The following TMC1 variants were observed in gnomAD, a reference collection of about 807,000 sequenced individuals.
TMC1 encodes the protein transmembrane channel like 1, also known as transmembrane channel-like protein 1.
TMC1 carries 84 observed loss-of-function variants against 105.8 expected under a neutral mutation model. That is an observed-to-expected ratio of 0.79 (90% CI 0.67 to 0.95). The LOEUF is 0.95. Ranked by LOEUF, TMC1 falls within the 40% of genes least tolerant of loss-of-function variation. The pLI is 0.00. For missense variants in TMC1, 817 were observed against 914.1 expected (o/e 0.89, Z 1.37); for synonymous variants, 315 against 311.5 (o/e 1.01, Z -0.12).
At chr9:72,586,060 C>A (rs76763151) in intron 2 of TMC1, among the ~76,000 whole-genome samples, 4 of 152,280 alleles carry the variant, frequency 2.6e-5, no homozygotes, top group Non-Finnish European at 4.4e-5. Context: ...AAACAATTTA[C>A]ACAAGGGCTG....
intron 1 of TMC1, among the ~76,000 whole-genome samples, chr9:72,522,216 C>T (rs1823324686): frequency 1.3e-5 from 2 of 149,918 alleles, no homozygotes; most frequent in Admixed American, 6.7e-5. Context: ...GTGGCGCGAT[C>T]TCGGCTCCCC....
At chr9:72,751,776 A>G (rs1827583417) in intron 10 of TMC1, 74 bp from the exon 11 acceptor site, 2 of 963,332 alleles carry the variant, frequency 2.1e-6, no homozygotes, top group Non-Finnish European at 3.4e-6. Flanking sequence ...TTTTGAAGGC[A>G]ACCAAGACAA....
chr9:72,757,212 G>A (rs1359975891), intron 12 of TMC1, among the ~76,000 whole-genome samples: 1 of 152,162 alleles, frequency 6.6e-6, no homozygotes, highest in Non-Finnish European at 1.5e-5. Context: ...TCATTGCTGG[G>A]GTTAGTAGTG....
At chr9:72,707,689 C>A (rs951335985) in intron 8 of TMC1, among the ~76,000 whole-genome samples, 3 of 151,902 alleles carry the variant, frequency 2.0e-5, no homozygotes, top group African/African-American at 4.8e-5. Flanking sequence ...ATTGTGAAGA[C>A]CTTCTCCCTC....
intron 5 of TMC1, among the ~76,000 whole-genome samples, chr9:72,657,653 G>T (rs1190126702): frequency 6.6e-6 from 1 of 151,952 alleles, no homozygotes; most frequent in Admixed American, 6.6e-5. Flanking sequence ...TAAATCTTGG[G>T]TGTATCCATA....
chr9:72,831,625 C>T (rs1365602405), intron 23 of TMC1, among the ~76,000 whole-genome samples: 2 of 152,062 alleles, frequency 1.3e-5, no homozygotes, highest in Non-Finnish European at 1.5e-5. Context: ...ATGTGATGTT[C>T]CCCTTCCTGT....
At chr9:72,597,442 C>A (rs1263628875) in intron 2 of TMC1, among the ~76,000 whole-genome samples, 1 of 152,200 alleles carries the variant, frequency 6.6e-6, no homozygotes, top group Non-Finnish European at 1.5e-5. Context: ...ACCTGCTGTT[C>A]ACCTTCCATT....
chr9:72,619,571 A>G (rs1825204638), intron 3 of TMC1, among the ~76,000 whole-genome samples: 1 of 152,058 alleles, frequency 6.6e-6, no homozygotes, highest in Non-Finnish European at 1.5e-5. Flanking sequence ...GTTGTATTCT[A>G]GTTTCTCTTT....
chr9:72,823,774 T>G (rs1422137622), intron 20 of TMC1, among the ~76,000 whole-genome samples: 1 of 152,242 alleles, frequency 6.6e-6, no homozygotes, highest in African/African-American at 2.4e-5. Context: ...GGTTTTTATA[T>G]ACATCCCTGC....
chr9:72,743,370 A>C (rs1266863926), intron 10 of TMC1, among the ~76,000 whole-genome samples: 1 of 84,090 alleles, frequency 1.2e-5, no homozygotes, highest in South Asian at 2.5e-4. Flanking sequence ...CCGTCTCACA[A>C]AAAAAAAAAA....
At chr9:72,770,171 T>C (rs1340107371) in intron 12 of TMC1, among the ~76,000 whole-genome samples, 1 of 151,896 alleles carries the variant, frequency 6.6e-6, no homozygotes, top group Non-Finnish European at 1.5e-5. Context: ...TCCCTCTGCT[T>C]GAGGTTTCTA....
chr9:72,730,867 C>G (rs755663359), intron 8 of TMC1, among the ~76,000 whole-genome samples: 3 of 152,154 alleles, frequency 2.0e-5, no homozygotes, highest in Non-Finnish European at 2.9e-5. Context: ...GTGCAGTTCA[C>G]AATAGGGTTT....
intron 12 of TMC1, among the ~76,000 whole-genome samples, chr9:72,759,041 C>CAT (rs1484720472): frequency 6.6e-6 from 1 of 151,982 alleles, no homozygotes; most frequent in African/African-American, 2.4e-5. Context: ...CAAAAGGGGA[C>CAT]ATTGAGGTAA....
At chr9:72,798,958 AT>A (rs1194891952) in intron 17 of TMC1, among the ~76,000 whole-genome samples, 1 of 152,102 alleles carries the variant, frequency 6.6e-6, no homozygotes, top group African/African-American at 2.4e-5. Flanking sequence ...ATTTGTTTTC[AT>A]GATGATTTTG....
intron 5 of TMC1, among the ~76,000 whole-genome samples, chr9:72,678,025 T>A (rs966920534): frequency 6.6e-6 from 1 of 152,146 alleles, no homozygotes; most frequent in Non-Finnish European, 1.5e-5. Context: ...CATTTCAGAC[T>A]CACCATGAAA....
chr9:72,802,766 T>G (rs879347566), intron 17 of TMC1, among the ~76,000 whole-genome samples: 1 of 152,198 alleles, frequency 6.6e-6, no homozygotes, highest in African/African-American at 2.4e-5. Flanking sequence ...TCCATGCTCA[T>G]GGATAGGAAA....
In TMC1 at chr9:72,785,902, T is replaced by C. The variant is rs577950093; in HGVS notation, c.885-2437T>C. Among the ~76,000 whole-genome samples the C allele has an allele frequency of 3.9e-5, 6 of 152,324 alleles. No individual in the cohort carries two copies. The South Asian group carries it at 1.2e-3, about 32-fold the overall frequency. On this transcript the variant is annotated intron_variant, in intron 13 of 23. Coordinates refer to ENST00000297784, the MANE Select transcript of TMC1 (RefSeq NM_138691.3). ...TTGTTTAGTATCGCTATTACAGTAA[T>C]TTTCTTTTTCTTGTGTGGTCTTATC...
intron 18 of TMC1, among the ~76,000 whole-genome samples, chr9:72,812,714 G>A (rs1246666368): frequency 6.6e-6 from 1 of 152,242 alleles, no homozygotes; most frequent in Admixed American, 6.5e-5. Flanking sequence ...AGACTAGCTT[G>A]CAGCTCTAAG....
At chr9:72,773,167 A>G (rs1293001435) in intron 13 of TMC1, among the ~76,000 whole-genome samples, 5 of 152,190 alleles carry the variant, frequency 3.3e-5, no homozygotes, top group South Asian at 2.1e-4. Flanking sequence ...AAAATTATTT[A>G]TAATACTCCA....
Sources: allele counts gnomAD v4.1 joint callset (sites outside exome capture counted in the v4.1 genomes callset), GRCh38; gene constraint gnomAD v4.1.1; transcripts MANE v1.5; gene names NCBI Gene and HGNC (gene_info 2026-07-23, HGNC 2026-07-21).